Variants in UBE2E2 observed in about 807,000 individuals in gnomAD.
UBE2E2 encodes ubiquitin-conjugating enzyme E2 E2.
UBE2E2 carries 6 observed loss-of-function variants against 24.7 expected under a neutral mutation model. That is an observed-to-expected ratio of 0.24 (90% CI 0.13 to 0.48). The LOEUF (loss-of-function observed/expected upper bound fraction) is 0.48. Ranked by LOEUF, UBE2E2 falls within the 20% of genes least tolerant of loss-of-function variation. The pLI, the probability that UBE2E2 is intolerant of heterozygous loss-of-function variation, is 0.99. For missense variants in UBE2E2, 169 were observed against 245.0 expected (o/e 0.69, Z 2.07); for synonymous variants, 104 against 83.6 (o/e 1.24, Z -1.33).
chr3:23,255,758 C>CTAT (rs1401328053), intron 3 of UBE2E2, among the ~76,000 whole-genome samples: 1 of 152,168 alleles, frequency 6.6e-6, no homozygotes, highest in African/African-American at 2.4e-5. Context: ...AACTATTTTA[C>CTAT]TATTGGATAC....
intron 3 of UBE2E2, among the ~76,000 whole-genome samples, chr3:23,458,196 G>T (rs781656122): frequency 6.6e-6 from 1 of 152,028 alleles, no homozygotes; most frequent in African/African-American, 2.4e-5. Context: ...AGAGGCTATT[G>T]TAGACCTAAT....
At chr3:23,252,168 G>C (rs1306453236) in intron 3 of UBE2E2, among the ~76,000 whole-genome samples, 2 of 152,068 alleles carry the variant, frequency 1.3e-5, no homozygotes, top group African/African-American at 2.4e-5. Context: ...AAATTTACAA[G>C]TTGTGTATAC....
At chr3:23,223,635 A>T (rs1457715482) in intron 3 of UBE2E2, among the ~76,000 whole-genome samples, 5 of 152,004 alleles carry the variant, frequency 3.3e-5, no homozygotes, top group African/African-American at 1.2e-4. Context: ...TTGTCTCTTC[A>T]CTTTGTTGAT....
At chr3:23,204,186 T>C (rs947112293) in intron 1 of UBE2E2, among the ~76,000 whole-genome samples, 1 of 148,628 alleles carries the variant, frequency 6.7e-6, no homozygotes, top group Admixed American at 6.7e-5. Context: ...TCTCATAATG[T>C]TTTGATCTTT....
intron 3 of UBE2E2, among the ~76,000 whole-genome samples, chr3:23,336,455 G>A (rs1024364284): frequency 6.6e-6 from 1 of 152,188 alleles, no homozygotes; most frequent in African/African-American, 2.4e-5. Flanking sequence ...TCAATCACAT[G>A]ATAGTAAAAG....
intron 3 of UBE2E2, among the ~76,000 whole-genome samples, chr3:23,397,100 C>T (rs1251104829): frequency 1.3e-5 from 2 of 152,144 alleles, no homozygotes; most frequent in Non-Finnish European, 2.9e-5. Flanking sequence ...GTCCTCAGAC[C>T]CCTAATCTTG....
intron 3 of UBE2E2, among the ~76,000 whole-genome samples, chr3:23,485,378 T>C (rs550351627): frequency 6.6e-6 from 1 of 152,306 alleles, no homozygotes; most frequent in Non-Finnish European, 1.5e-5. Context: ...ATTACAGGCA[T>C]GAGCCTCCAC....
intron 3 of UBE2E2, among the ~76,000 whole-genome samples, chr3:23,469,039 C>T (rs893590696): frequency 6.6e-6 from 1 of 152,080 alleles, no homozygotes; most frequent in African/African-American, 2.4e-5. Context: ...TAACAAAGTA[C>T]CATGGACTGA....
chr3:23,487,378 G>A (rs1258487990), intron 3 of UBE2E2, among the ~76,000 whole-genome samples: 2 of 152,158 alleles, frequency 1.3e-5, no homozygotes, highest in Non-Finnish European at 2.9e-5. Context: ...GCCTAGAAGT[G>A]CAGGCTCCCA....
intron 5 of UBE2E2, among the ~76,000 whole-genome samples, chr3:23,570,203 A>G (rs1005790291): frequency 6.6e-6 from 1 of 152,164 alleles, no homozygotes; most frequent in Non-Finnish European, 1.5e-5. Flanking sequence ...GATAGGTAAT[A>G]AGTGAGAACA....
At chr3:23,318,682 C>A (rs532128910) in intron 3 of UBE2E2, among the ~76,000 whole-genome samples, 4 of 152,200 alleles carry the variant, frequency 2.6e-5, no homozygotes, top group African/African-American at 4.8e-5. Flanking sequence ...CTTTTACTTA[C>A]CACTTATTCA....
intron 3 of UBE2E2, among the ~76,000 whole-genome samples, chr3:23,231,118 T>G (rs1162794900): frequency 6.6e-6 from 1 of 152,196 alleles, no homozygotes; most frequent in African/African-American, 2.4e-5. Flanking sequence ...GTGATGGTAG[T>G]ACTAGAATTA....
chr3:23,354,981 A>C (rs927371552), intron 3 of UBE2E2, among the ~76,000 whole-genome samples: 25 of 151,968 alleles, frequency 1.6e-4, no homozygotes, highest in Non-Finnish European at 3.4e-4. Context: ...AACCAACCCA[A>C]ATGTCCAACA....
At chr3:23,328,152 TAAAAA>T (rs1489935657) in intron 3 of UBE2E2, among the ~76,000 whole-genome samples, 1 of 151,996 alleles carries the variant, frequency 6.6e-6, no homozygotes, top group Admixed American at 6.6e-5. Context: ...TTTGCGACAA[TAAAAA>T]AGAAAAGAAA....
Position 23,589,774 on chromosome 3 carries a change from C to T in UBE2E2, c.549C>T (p.Thr183=). 4 of 1,614,160 alleles carry T rather than the reference C, an allele frequency of 2.5e-6. No individual in the cohort carries two copies. The highest frequency in any genetic ancestry group is 3.4e-6 in the Non-Finnish European group (4 of 1,179,990). Residue 183 remains threonine, a synonymous_variant, in exon 6 of 6, where the codon ACC becomes ACT. Transcript: ENST00000396703. The surrounding 1 kb of genome is among the most constrained non-coding windows in gnomAD (Gnocchi z 4.1). The part of the protein sequence containing the change: ...LVGSIATQYM[T]NRAEHDRMAR... Reference sequence around the variant, plus strand: ...GCAGCATCGCCACACAGTACATGACCAACAGAGCAGAGCATGACCGGATGG... The same window carrying T: ...GCAGCATCGCCACACAGTACATGACTAACAGAGCAGAGCATGACCGGATGG...
At chr3:23,299,522 T>C (rs573441745) in intron 3 of UBE2E2, among the ~76,000 whole-genome samples, 182 of 152,318 alleles carry the variant, frequency 1.2e-3, no homozygotes, top group African/African-American at 4.2e-3. Context: ...TCTTTATTTC[T>C]GCCTTCATTT....
At chr3:23,340,910 A>G (rs1412344111) in intron 3 of UBE2E2, among the ~76,000 whole-genome samples, 1 of 152,060 alleles carries the variant, frequency 6.6e-6, no homozygotes, top group Admixed American at 6.6e-5. Context: ...CAATTCCTAC[A>G]CTTTGTTTTC....
chr3:23,385,577 G>A (rs748064499), intron 3 of UBE2E2, among the ~76,000 whole-genome samples: 14 of 152,182 alleles, frequency 9.2e-5, no homozygotes, highest in Non-Finnish European at 1.8e-4. Context: ...CACAGCTGAT[G>A]CTGATGAAAC....
At chr3:23,347,563 G>T (rs148168464) in intron 3 of UBE2E2, among the ~76,000 whole-genome samples, 4,391 of 152,118 alleles carry the variant, frequency 0.029, 109 homozygotes, top group East Asian at 0.13. Context: ...TGGGGTGGGG[G>T]CCTGGGGGAG....
Sources: allele counts gnomAD v4.1 joint callset (sites outside exome capture counted in the v4.1 genomes callset), GRCh38; gene constraint gnomAD v4.1.1; non-coding constraint Gnocchi (gnomAD v3.1); transcripts MANE v1.5; gene names NCBI Gene and HGNC (gene_info 2026-07-23, HGNC 2026-07-21).